The following MAST2 variants were observed in gnomAD, a reference collection of about 807,000 sequenced individuals.
The protein encoded by MAST2 is microtubule associated serine/threonine kinase 2, also known as microtubule-associated serine/threonine-protein kinase 2.
MAST2 carries 70 observed loss-of-function variants against 147.4 expected under a neutral mutation model. That is an observed-to-expected ratio of 0.47 (90% CI 0.39 to 0.58). The LOEUF is 0.58. MAST2 is among the 20% of genes least tolerant of loss of function. The pLI, the probability that MAST2 is intolerant of heterozygous loss-of-function variation, is 0.00. For missense variants in MAST2, 2,080 were observed against 2,302.3 expected (o/e 0.90, Z 1.98); for synonymous variants, 869 against 896.8 (o/e 0.97, Z 0.55).
At position 45,997,732 on chromosome 1, in the gene MAST2, C is replaced by A. The variant is rs962265847; in HGVS notation, c.601C>A (p.Pro201Thr). ...TCTTTTCCCATCCACAGGTAACAGT[C>A]CTTTGGACAGCCCCCGGAATTTCTC... is the stretch of plus-strand genomic sequence containing the variant. The part of the protein sequence containing the change: ...SPLHGHTGNS[P>T]LDSPRNFSPN... Residue 201 changes from proline to threonine, a missense_variant, in exon 6 of 29, where the codon CCT becomes ACT. Coordinates refer to ENST00000361297, the MANE Select transcript of MAST2 (RefSeq NM_015112.3). 6.2e-7 allele frequency: 1 copy of A among 1,613,898 alleles called. No individual in the cohort carries two copies. The highest frequency in any genetic ancestry group is 8.5e-7 in the Non-Finnish European group (1 of 1,179,862).
At chr1:45,857,158 T>C (rs1408240057) in intron 3 of MAST2, among the ~76,000 whole-genome samples, 11 of 152,196 alleles carry the variant, frequency 7.2e-5, no homozygotes, top group Admixed American at 5.9e-4. Flanking sequence ...CTTTAAGAGG[T>C]CAGGGATTTT....
intron 4 of MAST2, among the ~76,000 whole-genome samples, chr1:45,937,386 T>C (rs1044675411): frequency 6.6e-6 from 1 of 151,998 alleles, no homozygotes; most frequent in Non-Finnish European, 1.5e-5. Flanking sequence ...CCACCTCAGC[T>C]TCCCAAGTAG....
At chr1:45,884,346 G>A (rs1232634199) in intron 4 of MAST2, among the ~76,000 whole-genome samples, 1 of 152,014 alleles carries the variant, frequency 6.6e-6, no homozygotes, top group Admixed American at 6.6e-5. Flanking sequence ...TCAGTAGTTC[G>A]AGACCAGCCT....
chr1:45,860,406 T>C (rs1645940859), intron 3 of MAST2, among the ~76,000 whole-genome samples: 1 of 151,108 alleles, frequency 6.6e-6, no homozygotes, highest in Non-Finnish European at 1.5e-5. Context: ...AAAAAATTTA[T>C]GTGAAGCAAG....
At chr1:46,029,249 G>A in intron 18 of MAST2, 2 of 552,324 alleles carry the variant, frequency 3.6e-6, no homozygotes, top group South Asian at 5.6e-5. Context: ...ATAAAAGCAG[G>A]GTGAGCTAGA....
intron 4 of MAST2, among the ~76,000 whole-genome samples, chr1:45,923,586 A>T (rs1053438190): frequency 6.6e-6 from 1 of 152,164 alleles, no homozygotes; most frequent in African/African-American, 2.4e-5. Flanking sequence ...ATTGCTCAGG[A>T]TAACACAGCT....
At chr1:46,030,536 A>G (rs1333573659) in intron 21 of MAST2, 71 bp from the exon 22 acceptor site, 2 of 1,514,454 alleles carry the variant, frequency 1.3e-6, no homozygotes, top group Non-Finnish European at 1.8e-6. Context: ...TTCCGATGCC[A>G]AGGATGCTTT....
At chr1:45,815,026 T>C (rs776708215) in intron 1 of MAST2, among the ~76,000 whole-genome samples, 1 of 152,184 alleles carries the variant, frequency 6.6e-6, no homozygotes, top group Non-Finnish European at 1.5e-5. Context: ...GGTGATACCA[T>C]CTTAGTTGTA....
rs189962969 is a variant in MAST2, at chr1:46,023,883, T to C, written c.1683T>C (p.Arg561=). 1,373 of 1,614,110 alleles carry C rather than the reference T, an allele frequency of 8.5e-4. 2 individuals carry two copies. The highest frequency in any genetic ancestry group is 1.1e-3 in the Non-Finnish European group (1,324 of 1,180,018). ...AGATCCAGCAGGCCTTCGTGGAGCG[T>C]GACATACTGACTTTCGCTGAGAACC... The part of the protein sequence containing the change: ...RNQIQQAFVE[R]DILTFAENPF... Residue 561 remains arginine, a synonymous_variant, in exon 15 of 29, where the codon CGT becomes CGC. Coordinates refer to ENST00000361297, the MANE Select transcript of MAST2 (RefSeq NM_015112.3). This position sits in a 1 kb window ranked among gnomAD's most constrained non-coding sequence, Gnocchi z 4.9.
intron 4 of MAST2, among the ~76,000 whole-genome samples, chr1:45,944,252 T>A (rs566184422): frequency 2.6e-5 from 4 of 152,216 alleles, no homozygotes; most frequent in Non-Finnish European, 4.4e-5. Context: ...CATTTTAAAT[T>A]TAATTTTTAT....
At position 46,034,982 on chromosome 1, in the gene MAST2, A is replaced by T. The variant is rs146314028; in HGVS notation, c.4313A>T (p.Lys1438Met). The change falls in exon 29 of 29, where the codon AAG (lysine) becomes ATG (methionine). Residue 1438 changes from lysine (K) to methionine (M), a missense_variant. Physicochemically the swap from Lys to Met is moderately conservative, Grantham distance 95. This residue lies in a region of MAST2 where 1,278 missense variants were observed against 1,304.2 expected (regional missense o/e 0.98). Transcript: ENST00000361297. ...HSLDLPHSEL[K>M]KELPPREVSP... ...CTTGACCTGCCCCACTCTGAACTAA[A>T]GAAGGAACTGCCGCCCAGGGAAGTG... is the stretch of plus-strand genomic sequence containing the variant. 14 of 1,614,078 alleles carry T rather than the reference A, an allele frequency of 8.7e-6. No homozygotes were observed. In the African/African-American group the frequency reaches 1.7e-4, roughly 20 times the overall value.
chr1:45,849,759 G>A (rs1293689771), intron 3 of MAST2, among the ~76,000 whole-genome samples: 1 of 151,984 alleles, frequency 6.6e-6, no homozygotes, highest in Admixed American at 6.6e-5. Flanking sequence ...ATCTCCTGAC[G>A]TCGTGATCTG....
intron 5 of MAST2, among the ~76,000 whole-genome samples, chr1:45,973,597 A>G (rs375663969): frequency 1.3e-5 from 2 of 152,236 alleles, no homozygotes; most frequent in African/African-American, 4.8e-5. Context: ...CTGTGTGTCT[A>G]GATGTCATCA....
intron 3 of MAST2, among the ~76,000 whole-genome samples, chr1:45,845,800 G>T (rs145129758): frequency 6.6e-6 from 1 of 152,146 alleles, no homozygotes; most frequent in Non-Finnish European, 1.5e-5. Context: ...TGTCTCTGTC[G>T]CCCAGGCTGG....
rs1646624980 is a variant in MAST2, at chr1:46,030,763, T to C, written c.2708+2T>C. 6.4e-7 allele frequency: 1 copy of C among 1,573,284 alleles called. No individual in the cohort carries two copies. Among genetic ancestry groups the C allele is most frequent in the Non-Finnish European group, 8.6e-7 (1 of 1,164,256 alleles). ...CTGGGTGATTGGCTCCCCTGAGATG[T>C]GAGCACCCAGAGTTCACCCAGGGTG... On this transcript the variant is annotated splice_donor_variant, in intron 22 of 28. Coordinates refer to ENST00000361297, the MANE Select transcript of MAST2 (RefSeq NM_015112.3). LOFTEE classifies it high-confidence loss of function.
intron 4 of MAST2, among the ~76,000 whole-genome samples, chr1:45,939,542 T>G (rs34907901): frequency 0.37 from 49,553 of 132,718 alleles, 8,776 homozygotes; most frequent in African/African-American, 0.49. Context: ...AATTTTTTTT[T>G]GGGGGGGTGG....
intron 4 of MAST2, among the ~76,000 whole-genome samples, chr1:45,894,005 A>G (rs1243631923): frequency 1.3e-5 from 2 of 152,094 alleles, no homozygotes; most frequent in Middle Eastern, 3.2e-3. Flanking sequence ...GCTTGAGCTC[A>G]GGAGTTTGAG....
At chr1:45,816,561 A>G (rs1644461619) in intron 1 of MAST2, among the ~76,000 whole-genome samples, 1 of 152,246 alleles carries the variant, frequency 6.6e-6, no homozygotes, top group Non-Finnish European at 1.5e-5. Context: ...TCAGCAAAGA[A>G]ATGGAAATAA....
intron 6 of MAST2, among the ~76,000 whole-genome samples, chr1:46,002,111 G>T (rs944364821): frequency 6.6e-6 from 1 of 151,786 alleles, no homozygotes; most frequent in East Asian, 1.9e-4. Context: ...GTGGCGGGGT[G>T]GGGGGGCATG....
Sources: gnomAD v4.1 joint callset for allele counts (sites outside exome capture counted in the v4.1 genomes callset) on GRCh38, gnomAD v4.1.1 for gene constraint, gnomAD v4.1.1 regional missense constraint, Gnocchi (gnomAD v3.1) non-coding constraint, MANE v1.5 for transcripts, NCBI Gene and HGNC (gene_info 2026-07-23, HGNC 2026-07-21) for gene names.